KMT2D: variants seen among roughly 807,000 people sequenced by gnomAD.
KMT2D encodes lysine methyltransferase 2D.
A neutral mutation model predicts 512.7 loss-of-function variants in KMT2D; 55 were observed. That is an observed-to-expected ratio of 0.11 (90% CI 0.09 to 0.13). The LOEUF (loss-of-function observed/expected upper bound fraction) is 0.13. Among genes scored for constraint, KMT2D ranks in the 10% least tolerant of loss-of-function variants. The pLI is 1.00. For synonymous variants in KMT2D, 2,995 were observed against 2,904.0 expected, an observed-to-expected ratio of 1.03 and a Z score of -1.01; for missense variants, 6,061 against 7,127.9, an observed-to-expected ratio of 0.85 and a Z score of 5.39.
In KMT2D at chr12:49,054,437, A is replaced by G. The variant is rs1356923003; in HGVS notation, c.401-21T>C. 24 of 1,572,310 alleles carry G rather than the reference A, an allele frequency of 1.5e-5. No homozygotes were observed. The highest frequency in any genetic ancestry group is 2.1e-5 in the Non-Finnish European group (24 of 1,158,440). ...GGACCCTTTACAGGTGGGAAGAGGT[A>G]AAGAGAAAGGAAAGAATTAACAAAA... On this transcript the variant is annotated intron_variant, in intron 4 of 54. Coordinates refer to ENST00000301067, the MANE Select transcript of KMT2D (RefSeq NM_003482.4). This position sits in a 1 kb window ranked among gnomAD's most constrained non-coding sequence, Gnocchi z 6.4.
At position 49,038,801 on chromosome 12, in the gene KMT2D, G is replaced by T. The variant is rs1471272445; in HGVS notation, c.8555C>A (p.Ser2852Tyr). The T allele has an allele frequency of 6.3e-7, 1 of 1,581,258 alleles. No individual in the cohort carries two copies. Among genetic ancestry groups the T allele is most frequent in the Admixed American group, 1.8e-5 (1 of 54,506 alleles). ...GPELGRQALG[S>Y]PLAGISTRLP... ...ACGGGTGGAAATTCCCGCCAACGGG[G>T]AACCTAGGGCTTGGCGGCCAAGTTC... Residue 2852 changes from serine (S) to tyrosine (Y), a missense_variant, in exon 35 of 55, where the codon TCC (serine) becomes TAC (tyrosine). By Grantham distance (144) the Ser-to-Tyr change is moderately radical. Transcript: ENST00000301067. This position sits in a 1 kb window ranked among gnomAD's most constrained non-coding sequence, Gnocchi z 5.7.
Position 49,038,079 on chromosome 12 carries a change from G to A in KMT2D, c.9277C>T (p.Pro3093Ser), listed in dbSNP as rs2120490161. The A allele has an allele frequency of 6.2e-7, 1 of 1,613,560 alleles. No individual in the cohort carries two copies. The highest frequency in any genetic ancestry group is 8.5e-7 in the Non-Finnish European group (1 of 1,179,800). Residue 3093 changes from proline to serine, a missense_variant, in exon 35 of 55, where the codon CCC becomes TCC. Physicochemically the swap from Pro to Ser is moderately conservative, Grantham distance 74. This residue lies in a region of KMT2D where 533 missense variants were observed against 539.6 expected (regional missense o/e 0.99). Coordinates refer to ENST00000301067, the MANE Select transcript of KMT2D (RefSeq NM_003482.4). This position sits in a 1 kb window ranked among gnomAD's most constrained non-coding sequence, Gnocchi z 5.7. ...GGAGGGCGCTCCTCAGGGCCCAAGG[G>A]TCCTGGCTCCACCCCCCGCAGCAGG... ...EALLRGVEPG[P>S]LGPEERPPPA...
Position 49,046,802 on chromosome 12 carries a change from G to A in KMT2D, c.4237-12C>T, listed in dbSNP as rs548054572. On this transcript the variant is annotated splice_polypyrimidine_tract_variant and intron_variant, in intron 15 of 54. Coordinates refer to ENST00000301067, the MANE Select transcript of KMT2D (RefSeq NM_003482.4). This position sits in a 1 kb window ranked among gnomAD's most constrained non-coding sequence, Gnocchi z 4.2. The stretch of plus-strand genomic sequence containing the variant: ...ATCACCTTGGTGATCTGGGGCAGAA[G>A]ATGGGAACTTCTCAGGGTGTGAGGT... 3.7e-6 allele frequency: 6 copies of A among 1,608,040 alleles called. No individual in the cohort carries two copies. In the South Asian group the frequency reaches 4.4e-5, roughly 12 times the overall value.
intron 49 of KMT2D, among the ~76,000 whole-genome samples, chr12:49,025,686 T>C (rs1170057947): frequency 1.3e-5 from 2 of 152,246 alleles, no homozygotes; most frequent in Non-Finnish European, 2.9e-5. Context: ...AATCGTAGTA[T>C]AATACTTACC....
intron 43 of KMT2D, among the ~76,000 whole-genome samples, chr12:49,030,056 C>T (rs975296714): frequency 1.3e-5 from 2 of 152,192 alleles, no homozygotes; most frequent in African/African-American, 4.8e-5. Context: ...CATAAAGATG[C>T]TCCCTGCCAC....
chr12:49,039,789 G>T lies in KMT2D; in HGVS notation c.7981C>A (p.Leu2661Ile). 1 of 1,613,988 alleles carries T rather than the reference G, an allele frequency of 6.2e-7. No homozygotes were observed. The highest frequency in any genetic ancestry group is 8.5e-7 in the Non-Finnish European group (1 of 1,179,898). ...ATGCCTGGGTCCTGGGTACCTGGGA[G>T]TTCAGCTGTCGCCAAAGAGCTACCC... ...GMGSSLATAE[L>I]PGTQDPGMSG... Residue 2661 changes from leucine (L) to isoleucine (I), a missense_variant, in exon 32 of 55, where the codon CTC (leucine) becomes ATC (isoleucine). Around this residue, in one of 16 missense-constraint regions of KMT2D, gnomAD observed 527 missense variants for 578.9 expected, o/e 0.91. Coordinates refer to ENST00000301067, the MANE Select transcript of KMT2D (RefSeq NM_003482.4). This position sits in a 1 kb window ranked among gnomAD's most constrained non-coding sequence, Gnocchi z 5.0.
Position 49,034,446 on chromosome 12 carries a change from G to T in KMT2D, c.10471C>A (p.Arg3491Ser). Reference sequence around the variant, plus strand: ...TGAGCAAAAGTGGGCGGGTTGGGACGAGGCTGGGAGGGATCACCAGCACTC... The same window carrying T: ...TGAGCAAAAGTGGGCGGGTTGGGACTAGGCTGGGAGGGATCACCAGCACTC... ...ERSAGDPSQP[R>S]PNPPTFAQGV... Residue 3491 changes from arginine (R) to serine (S), a missense_variant, in exon 38 of 55, where the codon CGT becomes AGT. Coordinates refer to ENST00000301067, the MANE Select transcript of KMT2D (RefSeq NM_003482.4). The T allele has an allele frequency of 6.2e-7, 1 of 1,613,762 alleles. No homozygotes were observed. Among genetic ancestry groups the T allele is most frequent in the Non-Finnish European group, 8.5e-7 (1 of 1,179,810 alleles).
rs1312656236 is a variant in KMT2D at position 49,033,467 on chromosome 12, G to GTGCTGCTGCTGCTGT, written c.11223_11237dup (p.Gln3741_Gln3745dup). On this transcript the variant is annotated inframe_insertion, in exon 40 of 55. Coordinates refer to ENST00000301067, the MANE Select transcript of KMT2D (RefSeq NM_003482.4). ...GCTGGATTGCCACCTGTCCTAGAAG[G>GTGCTGCTGCTGCTGT]TGCTGCTGCTGCTGTTGCTGCTGCT... is the stretch of plus-strand genomic sequence containing the variant. 2.5e-6 allele frequency: 4 copies of GTGCTGCTGCTGCTGT among 1,606,386 alleles called. No individual in the cohort carries two copies. In the East Asian group the frequency reaches 6.8e-5, roughly 27 times the overall value.
Position 49,048,019 on chromosome 12 carries a change from G to A in KMT2D, c.4182C>T (p.Leu1394=), listed in dbSNP as rs797045665. The change falls in exon 15 of 55, where the codon CTC becomes CTT. Residue 1394 remains leucine, a synonymous_variant. Coordinates refer to ENST00000301067, the MANE Select transcript of KMT2D (RefSeq NM_003482.4). ...GSFGRGAEGH[L]LACSQCSQCY... ...ACTGAGAGCACTGCGAACAGGCAAG[G>A]AGGTGGCCCTCTGCCCCCCGGCCAA... The A allele has an allele frequency of 6.8e-6, 11 of 1,612,524 alleles. No homozygotes were observed. Among genetic ancestry groups the A allele is most frequent in the African/African-American group, 6.7e-5 (5 of 74,898 alleles).
In KMT2D at chr12:49,040,610, G is replaced by A. The variant is rs541573109; in HGVS notation, c.7160C>T (p.Pro2387Leu). 6 of 1,613,520 alleles carry A rather than the reference G, an allele frequency of 3.7e-6. No individual in the cohort carries two copies. The South Asian group carries it at 6.6e-5, about 18-fold the overall frequency. ...PYAQPPLTPR[P>L]QPPPPESCCA... ...GCAGCTCTCAGGGGGCGGAGGTTGG[G>A]GCCGAGGAGTCAATGGGGGCTGAGC... is the stretch of plus-strand genomic sequence containing the variant. Residue 2387 changes from proline (P) to leucine (L), a missense_variant, in exon 32 of 55, where the codon CCC becomes CTC. Physicochemically the swap from Pro to Leu is moderately conservative, Grantham distance 98. Coordinates refer to ENST00000301067, the MANE Select transcript of KMT2D (RefSeq NM_003482.4).
rs1937926891 is a variant in KMT2D, at chr12:49,050,803, A to G, written c.2798-13T>C. ...GGAGGAAGGGGATCTGGAAGGAAAG[A>G]GAAAAAAGAAGGGCTCTTAGATTAG... On this transcript the variant is annotated splice_polypyrimidine_tract_variant and intron_variant, in intron 11 of 54. Coordinates refer to ENST00000301067, the MANE Select transcript of KMT2D (RefSeq NM_003482.4). 6.3e-7 allele frequency: 1 copy of G among 1,591,592 alleles called. No individual in the cohort carries two copies. The highest frequency in any genetic ancestry group is 2.3e-5 in the East Asian group (1 of 44,422).
In KMT2D at chr12:49,019,006, G is replaced by A. The variant is rs1203977578; in HGVS notation, c.*2774C>T. The A allele has an allele frequency of 1.4e-6, 2 of 1,394,762 alleles. No individual in the cohort carries two copies. The highest frequency in any genetic ancestry group is 1.9e-6 in the Non-Finnish European group (2 of 1,078,184). The allele number at this position is 1,394,762 out of a possible 1,614,324, so 86.4% of individuals were successfully genotyped here. A position where few individuals can be genotyped will look rare whatever the true frequency, so the allele number is the denominator to read the frequency against. Reference sequence around the variant, plus strand: ...TTAAAATGTTCTTTTTTTATTTGTCGTTTAAAAACAAACTTGGAAGAAGCA... The same window carrying A: ...TTAAAATGTTCTTTTTTTATTTGTCATTTAAAAACAAACTTGGAAGAAGCA... On this transcript the variant is annotated 3_prime_UTR_variant, in exon 55 of 55. Transcript: ENST00000301067.
rs779632763 is a variant in KMT2D at position 49,034,262 on chromosome 12, G to A, written c.10545C>T (p.Phe3515=). The part of the protein sequence containing the change: ...ADQRQYEEWL[F]HTQQLLQMQL... ...GCATCTGTAGGAGCTGCTGGGTATG[G>A]AACAGCCACTCCTCATACTGCCGCT... The change falls in exon 39 of 55, where the codon TTC becomes TTT. Residue 3515 remains phenylalanine, a synonymous_variant. Coordinates refer to ENST00000301067, the MANE Select transcript of KMT2D (RefSeq NM_003482.4). 6.2e-7 allele frequency: 1 copy of A among 1,613,744 alleles called. No homozygotes were observed. Among genetic ancestry groups the A allele is most frequent in the Non-Finnish European group, 8.5e-7 (1 of 1,179,848 alleles).
Position 49,028,024 on chromosome 12 carries a change from C to T in KMT2D, c.14500G>A (p.Glu4834Lys), listed in dbSNP as rs2120378028. 2.5e-6 allele frequency: 4 copies of T among 1,613,426 alleles called. No individual in the cohort carries two copies. The highest frequency in any genetic ancestry group is 3.4e-6 in the Non-Finnish European group (4 of 1,179,660). ...ARAGTEPKKGEAEGPGGKEKG... is the reference protein window; with the variant it reads ...ARAGTEPKKGKAEGPGGKEKG... ...CCACACTCACCAGGACCCTCAGCTT[C>T]CCCCTTCTTTGGCTCAGTGCCTGCC... is the stretch of plus-strand genomic sequence containing the variant. The change falls in exon 47 of 55, where the codon GAA becomes AAA. Residue 4834 changes from glutamate to lysine, a missense_variant. Transcript: ENST00000301067.
intron 1 of KMT2D, among the ~76,000 whole-genome samples, chr12:49,057,811 G>C (rs575575256): frequency 2.6e-5 from 4 of 152,312 alleles, no homozygotes; most frequent in African/African-American, 7.2e-5. Context: ...CTAAACTGGG[G>C]TAGTGTCTCA....
In KMT2D at chr12:49,044,992, C is replaced by T. The variant is rs2120590792; in HGVS notation, c.4742-27G>A. 3.1e-6 allele frequency: 5 copies of T among 1,592,764 alleles called. No individual in the cohort carries two copies. Among genetic ancestry groups the T allele is most frequent in the Non-Finnish European group, 4.3e-6 (5 of 1,161,428 alleles). ...TGCATAAGAGGAAAGAGTATGTGAT[C>T]CCTGGATGGAAGCCCCAGGGAAACC... On this transcript the variant is annotated intron_variant, in intron 19 of 54. Transcript: ENST00000301067. This position sits in a 1 kb window ranked among gnomAD's most constrained non-coding sequence, Gnocchi z 6.4.
Position 49,050,241 on chromosome 12 carries a change from G to A in KMT2D, c.3347C>T (p.Ser1116Phe). 6.2e-7 allele frequency: 1 copy of A among 1,613,376 alleles called. No individual in the cohort carries two copies. Among genetic ancestry groups the A allele is most frequent in the East Asian group, 2.2e-5 (1 of 44,840 alleles). ...AGGGGCTGTGTCTTCCCCTAGGCCA[G>A]AGAAGTCATCCAGGGCTGGGGCAGG... is the stretch of plus-strand genomic sequence containing the variant. ...PSPAPALDDFSGLGEDTAPLD... is the reference protein window; with the variant it reads ...PSPAPALDDFFGLGEDTAPLD... The change falls in exon 12 of 55, where the codon TCT becomes TTT. Residue 1116 changes from serine to phenylalanine, a missense_variant. Ser to Phe is a radical substitution (Grantham distance 155, BLOSUM62 -2). Around this residue, in one of 16 missense-constraint regions of KMT2D, gnomAD observed 447 missense variants for 500.1 expected, o/e 0.89. Transcript: ENST00000301067.
In KMT2D at chr12:49,032,182, G is replaced by C. The variant is rs766500530; in HGVS notation, c.12523C>G (p.Pro4175Ala). The C allele has an allele frequency of 5.6e-6, 9 of 1,612,932 alleles. No individual in the cohort carries two copies. The African/African-American group carries it at 1.2e-4, about 22-fold the overall frequency. Residue 4175 changes from proline (P) to alanine (A), a missense_variant, in exon 40 of 55, where the codon CCA (proline) becomes GCA (alanine). This residue lies in a region of KMT2D where 1,600 missense variants were observed against 1,754.9 expected (regional missense o/e 0.91). Coordinates refer to ENST00000301067, the MANE Select transcript of KMT2D (RefSeq NM_003482.4). ...QNNTGPQPPK[P>A]GPVLQSGQGL... is the part of the protein sequence containing the mutation. ...TGCCCAGACTGGAGGACAGGTCCTG[G>C]TTTGGGAGGTTGTGGCCCTGTATTA...
At position 49,038,707 on chromosome 12, in the gene KMT2D, A is replaced by C. The variant is rs1592131737; in HGVS notation, c.8649T>G (p.Asn2883Lys). ...GPAQFIELRH[N>K]VQKGLGPGGT... ...CCCCAGGTCCCAGTCCTTTCTGTAC[A>C]TTGTGCCGCAGCTCAATGAACTGGG... The change falls in exon 35 of 55, where the codon AAT (asparagine) becomes AAG (lysine). Residue 2883 changes from asparagine (N) to lysine (K), a missense_variant. Asn to Lys is a moderately conservative substitution (Grantham distance 94). Transcript: ENST00000301067. This position sits in a 1 kb window ranked among gnomAD's most constrained non-coding sequence, Gnocchi z 5.7. 2.5e-6 allele frequency: 4 copies of C among 1,610,926 alleles called. No homozygotes were observed. Among genetic ancestry groups the C allele is most frequent in the Non-Finnish European group, 3.4e-6 (4 of 1,178,860 alleles).
Sources: gnomAD v4.1 joint callset for allele counts (sites outside exome capture counted in the v4.1 genomes callset) on GRCh38, gnomAD v4.1.1 for gene constraint, gnomAD v4.1.1 regional missense constraint, Gnocchi (gnomAD v3.1) non-coding constraint, MANE v1.5 for transcripts, NCBI Gene and HGNC (gene_info 2026-07-23, HGNC 2026-07-21) for gene names.